The following NLRC5 variants were observed in gnomAD, a reference collection of about 807,000 sequenced individuals.
NLRC5 encodes the protein NLR family CARD domain containing 5.
In NLRC5, 114 loss-of-function variants were observed where a neutral mutation model predicts 206.9. The ratio of observed to expected loss-of-function variants is 0.55; its 90% CI spans 0.47 to 0.64. The LOEUF (loss-of-function observed/expected upper bound fraction) is 0.64, where lower values mean the gene tolerates loss of function less well. Among genes scored for constraint, NLRC5 ranks in the 30% least tolerant of loss-of-function variants. The probability of loss-of-function intolerance (pLI) is 0.00; values close to 1 mark genes in which losing one functional copy is unlikely to be tolerated. For missense variants in NLRC5, 2,008 were observed against 2,305.5 expected (o/e 0.87, Z 2.64); for synonymous variants, 952 against 962.8 (o/e 0.99, Z 0.21).
Position 57,036,147 on chromosome 16 carries a change from A to G in NLRC5, c.2675A>G (p.Glu892Gly), listed in dbSNP as rs1482812053. Residue 892 changes from glutamate to glycine, a missense_variant, in exon 14 of 49, where the codon GAG becomes GGG. By Grantham distance (98) the Glu-to-Gly change is moderately conservative. Transcript: ENST00000688547. The part of the protein sequence containing the change: ...LEDEGCRLMA[E>G]AASQLHIARK... ...GATGAAGGCTGTCGGCTGATGGCAG[A>G]GGCTGCATCCCAGCTGCACATCGCC... The G allele has an allele frequency of 6.2e-7, 1 of 1,613,510 alleles. No homozygotes were observed. The highest frequency in any genetic ancestry group is 8.5e-7 in the Non-Finnish European group (1 of 1,180,008).
chr16:57,023,179 A>AGTCCTCT (rs1367229445), intron 4 of NLRC5, among the ~76,000 whole-genome samples: 1 of 152,178 alleles, frequency 6.6e-6, no homozygotes, highest in Non-Finnish European at 1.5e-5. Flanking sequence ...TTCTTTCCTG[A>AGTCCTCT]GTCCTCTTTC....
Position 57,023,769 on chromosome 16 carries a change from T to G in NLRC5, c.356-16T>G. On this transcript the variant is annotated splice_polypyrimidine_tract_variant and intron_variant, in intron 4 of 48. Coordinates refer to ENST00000688547, the MANE Select transcript of NLRC5 (RefSeq NM_001384950.1). Reference sequence around the variant, plus strand: ...CCCCAGACCCCACTCCTCCACCCCTTCCTTTGCTTTTTCAGGCCTGAAGCG... The same window carrying G: ...CCCCAGACCCCACTCCTCCACCCCTGCCTTTGCTTTTTCAGGCCTGAAGCG... The G allele has an allele frequency of 6.2e-7, 1 of 1,607,014 alleles. No homozygotes were observed. The highest frequency in any genetic ancestry group is 8.5e-7 in the Non-Finnish European group (1 of 1,176,056).
Position 57,058,152 on chromosome 16 carries a change from A to C in NLRC5, c.3830+4A>C. The C allele has an allele frequency of 6.2e-7, 1 of 1,603,760 alleles. No homozygotes were observed. Among genetic ancestry groups the C allele is most frequent in the Non-Finnish European group, 8.5e-7 (1 of 1,173,552 alleles). The stretch of plus-strand genomic sequence containing the variant: ...TGCCCATCTCCGGTTTGCTTGAGTA[A>C]GTGGAAAGCAGCATAAAGGACAGAT... On this transcript the variant is annotated splice_donor_region_variant and intron_variant, in intron 28 of 48. Transcript: ENST00000688547.
chr16:57,013,669 T>G (rs779040925), intron 1 of NLRC5: 41 of 894,104 alleles, frequency 4.6e-5, no homozygotes, highest in Middle Eastern at 6.1e-4. Context: ...GAATCTTGTA[T>G]GATGAACTCA....
At chr16:57,076,962 G>T in intron 40 of NLRC5, 60 bp downstream of exon 40, 1 of 1,444,246 alleles carries the variant, frequency 6.9e-7, no homozygotes, top group Non-Finnish European at 9.7e-7. Flanking sequence ...GATGACAAGG[G>T]CAAGGGGCTA....
chr16:57,037,374 G>C (rs2062732289), intron 15 of NLRC5, 90 bp downstream of exon 15: 6 of 1,226,418 alleles, frequency 4.9e-6, no homozygotes, highest in Non-Finnish European at 5.9e-6. Context: ...CCAGGCCTTG[G>C]GACGGGCAGA....
intron 1 of NLRC5, among the ~76,000 whole-genome samples, chr16:56,995,553 C>T (rs756281398): frequency 6.6e-6 from 1 of 152,120 alleles, no homozygotes; most frequent in Non-Finnish European, 1.5e-5. Flanking sequence ...GAGAGGCTGC[C>T]GACCGCTGGA....
chr16:56,996,906 G>A (rs1210062375), intron 1 of NLRC5, among the ~76,000 whole-genome samples: 1 of 152,150 alleles, frequency 6.6e-6, no homozygotes, highest in Non-Finnish European at 1.5e-5. Flanking sequence ...GTCTCACTCT[G>A]TTGCCCACAC....
At chr16:57,081,692 C>G in intron 48 of NLRC5, 82 bp downstream of exon 48, 1 of 1,238,946 alleles carries the variant, frequency 8.1e-7, no homozygotes, top group East Asian at 2.3e-5. Flanking sequence ...CTGGAGGAGG[C>G]GGCAGGGCCT....
At chr16:56,992,063 A>T (rs1337884507) in intron 1 of NLRC5, 3 of 152,312 alleles carry the variant, frequency 2.0e-5, no homozygotes. Flanking sequence ...CGGAGGAGGA[A>T]GAGAGTGCGG....
chr16:57,065,101 C>A (rs182010618), intron 32 of NLRC5, 111 bp from the exon 33 acceptor site: 15,042 of 567,532 alleles, frequency 0.027, 234 homozygotes, highest in Middle Eastern at 0.069. Context: ...AAAAAAAACT[C>A]AAAAAGCCTC....
chr16:57,001,494 A>G (rs1284601961), intron 1 of NLRC5, among the ~76,000 whole-genome samples: 1 of 152,170 alleles, frequency 6.6e-6, no homozygotes, highest in Non-Finnish European at 1.5e-5. Flanking sequence ...TGCATCCCTC[A>G]CTTCCTTCCT....
intron 3 of NLRC5, among the ~76,000 whole-genome samples, chr16:57,021,940 T>G (rs1483049686): frequency 6.6e-6 from 1 of 152,198 alleles, no homozygotes; most frequent in South Asian, 2.1e-4. Flanking sequence ...ATACACACAG[T>G]GCATATACAT....
chr16:56,992,337 G>A (rs985873657), intron 1 of NLRC5: 1 of 152,194 alleles, frequency 6.6e-6, no homozygotes, highest in Admixed American at 6.5e-5. Context: ...TCTCTGCTCT[G>A]TTTTCCATAC....
chr16:57,069,902 C>T lies in NLRC5; in HGVS notation c.4566C>T (p.His1522=). 6.3e-7 allele frequency: 1 copy of T among 1,583,714 alleles called. No homozygotes were observed. Among genetic ancestry groups the T allele is most frequent in the Non-Finnish European group, 8.6e-7 (1 of 1,165,486 alleles). ...AHLASGLGHC[H]HLEELDLSNN... is the part of the protein sequence containing the mutation. Reference sequence around the variant, plus strand: ...TGGCATCTGGTCTGGGCCACTGCCACCACTTGGAGGAGCTGGAGTGAGTTG... The same window carrying T: ...TGGCATCTGGTCTGGGCCACTGCCATCACTTGGAGGAGCTGGAGTGAGTTG... The change falls in exon 37 of 49, where the codon CAC becomes CAT. Residue 1522 remains histidine, a synonymous_variant. Transcript: ENST00000688547.
In NLRC5 at chr16:57,005,145, G is replaced by A. The variant is rs567989870; in HGVS notation, c.-127-11929G>A. ...CTGGTGCCAAAATGCAAATGTGAGG[G>A]CTTGAAAGTTCATCGGGTTTTATTT... On this transcript the variant is annotated intron_variant, in intron 1 of 48. Coordinates refer to ENST00000688547, the MANE Select transcript of NLRC5 (RefSeq NM_001384950.1). 3.9e-5 allele frequency among the ~76,000 whole-genome samples: 6 copies of A among 152,274 alleles called. No homozygotes were observed. In the South Asian group the frequency reaches 8.3e-4, roughly 21 times the overall value.
At position 57,036,199 on chromosome 16, in the gene NLRC5, C is replaced by T. The variant is rs1226013857; in HGVS notation, c.2711+16C>T. On this transcript the variant is annotated intron_variant, in intron 14 of 48. Coordinates refer to ENST00000688547, the MANE Select transcript of NLRC5 (RefSeq NM_001384950.1). ...GGAAGCTGGAGTGAGTTGTCCACCC[C>T]ACCGCTGGGTACCAGGGAAGGCCCT... 6.2e-7 allele frequency: 1 copy of T among 1,610,906 alleles called. No homozygotes were observed. The highest frequency in any genetic ancestry group is 1.3e-5 in the African/African-American group (1 of 74,940).
At chr16:57,013,867 G>A (rs528103355) in intron 1 of NLRC5, 14 of 642,650 alleles carry the variant, frequency 2.2e-5, no homozygotes, top group South Asian at 1.7e-4. Context: ...AAAATGGCAA[G>A]CCACACTATT....
intron 38 of NLRC5, among the ~76,000 whole-genome samples, chr16:57,072,924 G>A (rs1034803355): frequency 6.6e-6 from 1 of 152,068 alleles, no homozygotes; most frequent in Admixed American, 6.5e-5. Context: ...GTCCTGGGGA[G>A]AGGATCAGGT....
Sources: allele counts gnomAD v4.1 joint callset (sites outside exome capture counted in the v4.1 genomes callset), GRCh38; gene constraint gnomAD v4.1.1; transcripts MANE v1.5; gene names NCBI Gene and HGNC (gene_info 2026-07-23, HGNC 2026-07-21).